Variants in MYH10 observed in about 807,000 individuals in gnomAD.
MYH10 encodes myosin heavy chain 10, also known as myosin-10.
MYH10 carries 55 observed loss-of-function variants against 257.8 expected under a neutral mutation model. That is an observed-to-expected ratio of 0.21 (90% CI 0.17 to 0.27). MYH10 has a LOEUF of 0.27. MYH10 is among the 10% of genes least tolerant of loss of function. The pLI, the probability that MYH10 is intolerant of heterozygous loss-of-function variation, is 1.00. For synonymous variants in MYH10, 854 were observed against 921.7 expected (o/e 0.93, Z 1.33); for missense variants, 1,631 against 2,500.6 (o/e 0.65, Z 7.42).
intron 3 of MYH10, among the ~76,000 whole-genome samples, chr17:8,599,252 C>A (rs571293221): frequency 6.6e-6 from 1 of 152,052 alleles, no homozygotes; most frequent in African/African-American, 2.4e-5. Context: ...GGAATAGACA[C>A]CACATTTGTA....
intron 35 of MYH10, among the ~76,000 whole-genome samples, chr17:8,489,033 T>A (rs1346793818): frequency 1.3e-5 from 2 of 152,122 alleles, no homozygotes; most frequent in Non-Finnish European, 2.9e-5. Context: ...ACTTGGGAGA[T>A]GAGGTCATAA....
chr17:8,606,224 C>T (rs887629279), intron 2 of MYH10, among the ~76,000 whole-genome samples: 20 of 152,108 alleles, frequency 1.3e-4, no homozygotes, highest in Non-Finnish European at 2.8e-4. Flanking sequence ...CCTATGAATG[C>T]TTATGACTTG....
rs180900510 is a variant in MYH10 at position 8,508,258 on chromosome 17, A to G, written c.3214+296T>C. On this transcript the variant is annotated intron_variant, in intron 26 of 42. Coordinates refer to ENST00000360416, the MANE Select transcript of MYH10 (RefSeq NM_001256012.3). The stretch of plus-strand genomic sequence containing the variant: ...GCTGGGACTATAGATGTGCACCACT[A>G]CGCCAGGCTAATTTGTAAATTTTTT... Among the ~76,000 whole-genome samples the G allele has an allele frequency of 1.7e-3, 265 of 152,100 alleles. 1 individual carries two copies. Among genetic ancestry groups the G allele is most frequent in the African/African-American group, 6.0e-3 (250 of 41,488 alleles).
chr17:8,490,574 A>G lies in MYH10; in HGVS notation c.4672-22T>C. 3.1e-6 allele frequency: 5 copies of G among 1,610,372 alleles called. No individual in the cohort carries two copies. The highest frequency in any genetic ancestry group is 3.4e-6 in the Non-Finnish European group (4 of 1,176,614). Reference sequence around the variant, plus strand: ...GAACCTAAACCACCGAAGCATCAGGAAAGAGTTGACCGGGGTGGAGGCACA... The same window carrying G: ...GAACCTAAACCACCGAAGCATCAGGGAAGAGTTGACCGGGGTGGAGGCACA... On this transcript the variant is annotated intron_variant, in intron 34 of 42. Transcript: ENST00000360416. The surrounding 1 kb of genome is among the most constrained non-coding windows in gnomAD (Gnocchi z 4.1).
chr17:8,497,380 C>T (rs1470547175), intron 30 of MYH10, among the ~76,000 whole-genome samples: 1 of 152,162 alleles, frequency 6.6e-6, no homozygotes, highest in Non-Finnish European at 1.5e-5. Flanking sequence ...AAGTTATTTC[C>T]AACCACAGTC....
rs1039015 is a variant in MYH10, at chr17:8,562,012, A to T, written c.756+7708T>A. 2.6e-5 allele frequency among the ~76,000 whole-genome samples: 4 copies of T among 152,180 alleles called. No homozygotes were observed. In the East Asian group the frequency reaches 7.7e-4, roughly 29 times the overall value. On this transcript the variant is annotated intron_variant, in intron 7 of 42. Transcript: ENST00000360416. ...ATATATTTGGTAACCAATAAATCTC[A>T]GTTATAAGCCAAAGCACTAACATGT...
chr17:8,476,504 GTGAGGAGGACGGTGC>G (rs371837094), intron 42 of MYH10, among the ~76,000 whole-genome samples: 2,283 of 152,240 alleles, frequency 0.015, 57 homozygotes, highest in African/African-American at 0.049. Context: ...ATCCATTGTG[GTGAGGAGGACGGTGC>G]TGAGGAGGGC....
Position 8,512,738 on chromosome 17 carries a change from A to G in MYH10, c.2746-81T>C, listed in dbSNP as rs776346575. Reference sequence around the variant, plus strand: ...ATATTCGCCGTGATTTCAATGGTCAATGCACATCAAAGAAACTGGGAGATA... The same window carrying G: ...ATATTCGCCGTGATTTCAATGGTCAGTGCACATCAAAGAAACTGGGAGATA... On this transcript the variant is annotated intron_variant, in intron 23 of 42. Transcript: ENST00000360416. 323 of 1,109,126 alleles carry G rather than the reference A, an allele frequency of 2.9e-4. 2 individuals are homozygous for G. Among genetic ancestry groups the G allele is most frequent in the South Asian group, 2.1e-3 (129 of 60,664 alleles). 68.7% of individuals were successfully genotyped at this position (1,109,126 alleles called of 1,614,324 possible).
intron 4 of MYH10, among the ~76,000 whole-genome samples, chr17:8,582,490 A>C (rs916166301): frequency 6.6e-6 from 1 of 152,254 alleles, no homozygotes; most frequent in Non-Finnish European, 1.5e-5. Context: ...CAGTCCCAGC[A>C]TCGTGCTCTT....
In MYH10 at chr17:8,564,334, T is replaced by C. The variant is rs559270420; in HGVS notation, c.756+5386A>G. Among the ~76,000 whole-genome samples the C allele has an allele frequency of 9.2e-5, 14 of 152,352 alleles. No homozygotes were observed. In the East Asian group the frequency reaches 2.7e-3, roughly 29 times the overall value. On this transcript the variant is annotated intron_variant, in intron 7 of 42. Coordinates refer to ENST00000360416, the MANE Select transcript of MYH10 (RefSeq NM_001256012.3). ...ATTTTCACTGTAAGCATGTAGCTTA[T>C]AAATATGACTGCATGAAATTTCACT...
chr17:8,522,710 C>T (rs73248042), intron 17 of MYH10, among the ~76,000 whole-genome samples: 2,621 of 152,288 alleles, frequency 0.017, 72 homozygotes, highest in African/African-American at 0.057. Context: ...TAGTTCACAC[C>T]GTTGCTACAC....
chr17:8,496,477 C>T (rs1159871270), intron 30 of MYH10, among the ~76,000 whole-genome samples: 3 of 152,178 alleles, frequency 2.0e-5, no homozygotes, highest in Admixed American at 1.3e-4. Context: ...AGAGCCTTAG[C>T]TTCTTTGAGC....
chr17:8,546,051 C>T (rs1386260231), intron 12 of MYH10, among the ~76,000 whole-genome samples: 1 of 151,900 alleles, frequency 6.6e-6, no homozygotes, highest in East Asian at 1.9e-4. Flanking sequence ...TAAAAAATCA[C>T]CTTTAAAAAA....
At chr17:8,589,836 G>C (rs1791413706) in intron 3 of MYH10, among the ~76,000 whole-genome samples, 1 of 152,194 alleles carries the variant, frequency 6.6e-6, no homozygotes, top group South Asian at 2.1e-4. Context: ...AAAATTACCA[G>C]TAGAGGATGC....
At chr17:8,531,232 C>T (rs7218325) in intron 16 of MYH10, among the ~76,000 whole-genome samples, 5,929 of 152,138 alleles carry the variant, frequency 0.039, 151 homozygotes, top group Non-Finnish European at 0.059. Context: ...AATTCAAGTT[C>T]TGTTGTAGCA....
intron 16 of MYH10, among the ~76,000 whole-genome samples, chr17:8,531,152 A>T (rs894729236): frequency 6.6e-6 from 1 of 152,224 alleles, no homozygotes; most frequent in African/African-American, 2.4e-5. Context: ...GATTTTCGGA[A>T]ATATAATTTC....
intron 4 of MYH10, 120 bp from the exon 5 acceptor site, chr17:8,577,458 T>C: frequency 1.9e-6 from 1 of 520,202 alleles, no homozygotes; most frequent in South Asian, 4.5e-5. Flanking sequence ...AAAGAATAAA[T>C]AGAAAAAATA....
At chr17:8,585,234 GTATATATGTGTATATATC>G (rs1223985704) in intron 4 of MYH10, among the ~76,000 whole-genome samples, 1 of 8,530 alleles carries the variant, frequency 1.2e-4, no homozygotes, top group African/African-American at 1.3e-4. Context: ...ATATGTGTGT[GTATATATGTGTATATATC>G]TATATATGTG....
chr17:8,485,925 A>T (rs895539878), intron 36 of MYH10, among the ~76,000 whole-genome samples: 1 of 152,240 alleles, frequency 6.6e-6, no homozygotes, highest in South Asian at 2.1e-4. Context: ...AGCAACCCAA[A>T]TGTCCAACTG....
Sources: allele counts gnomAD v4.1 joint callset (sites outside exome capture counted in the v4.1 genomes callset), GRCh38; gene constraint gnomAD v4.1.1; non-coding constraint Gnocchi (gnomAD v3.1); transcripts MANE v1.5; gene names NCBI Gene and HGNC (gene_info 2026-07-23, HGNC 2026-07-21).